The following PDE4D variants were observed in gnomAD, a reference collection of about 807,000 sequenced individuals.
PDE4D encodes 3',5'-cyclic-AMP phosphodiesterase 4D.
A neutral mutation model predicts 87.4 loss-of-function variants in PDE4D; 24 were observed. That is an observed-to-expected ratio of 0.27 (90% CI 0.20 to 0.39). PDE4D has a LOEUF of 0.39. PDE4D is among the 10% of genes least tolerant of loss of function. The pLI is 1.00. For synonymous variants in PDE4D, 384 were observed against 383.2 expected, an observed-to-expected ratio of 1.00 and a Z score of -0.02; for missense variants, 714 against 1,041.0, an observed-to-expected ratio of 0.69 and a Z score of 4.32.
intron 11 of PDE4D, among the ~76,000 whole-genome samples, chr5:58,978,589 AAGGAG>A (rs1196723204): frequency 1.1e-4 from 16 of 152,138 alleles, no homozygotes; most frequent in East Asian, 1.9e-4. Context: ...TGGAGCTAGG[AAGGAG>A]AGGAGAGGCT....
intron 1 of PDE4D, among the ~76,000 whole-genome samples, chr5:60,269,104 G>A (rs1750550237): frequency 6.6e-6 from 1 of 152,164 alleles, no homozygotes; most frequent in Non-Finnish European, 1.5e-5. Flanking sequence ...AGGAGTTCAA[G>A]ACCAGCCTGG....
intron 1 of PDE4D, among the ~76,000 whole-genome samples, chr5:59,568,141 A>C (rs543378574): frequency 6.6e-6 from 1 of 152,300 alleles, no homozygotes; most frequent in Admixed American, 6.5e-5. Flanking sequence ...AATGCTAGAA[A>C]GGATGAAAGT....
At chr5:59,416,220 T>C (rs1793584677) in intron 1 of PDE4D, among the ~76,000 whole-genome samples, 1 of 152,204 alleles carries the variant, frequency 6.6e-6, no homozygotes, top group Non-Finnish European at 1.5e-5. Flanking sequence ...TTCATTCACA[T>C]CTGTTTCTGT....
chr5:60,152,664 A>T (rs1582884653), intron 2 of PDE4D, among the ~76,000 whole-genome samples: 6 of 151,924 alleles, frequency 3.9e-5, no homozygotes, highest in African/African-American at 1.4e-4. Context: ...AAAAAAAAAA[A>T]AAAAAGAAAA....
chr5:59,627,091 C>T (rs1561355238), intron 1 of PDE4D, among the ~76,000 whole-genome samples: 2 of 152,048 alleles, frequency 1.3e-5, no homozygotes, highest in African/African-American at 2.4e-5. Context: ...TACTCTACAA[C>T]CACATTCAGG....
intron 1 of PDE4D, among the ~76,000 whole-genome samples, chr5:59,816,193 T>C (rs1344085565): frequency 1.3e-5 from 2 of 152,228 alleles, no homozygotes; most frequent in African/African-American, 2.4e-5. Context: ...TTGGAATGTA[T>C]GTAAACAAAA....
chr5:59,349,264 A>C (rs1050143327), intron 1 of PDE4D, among the ~76,000 whole-genome samples: 4 of 152,124 alleles, frequency 2.6e-5, no homozygotes, highest in African/African-American at 9.7e-5. Context: ...TGTCAATTAT[A>C]GTTTGAAAGT....
intron 2 of PDE4D, among the ~76,000 whole-genome samples, chr5:60,066,109 T>A (rs993521773): frequency 6.6e-5 from 10 of 152,180 alleles, no homozygotes; most frequent in African/African-American, 2.2e-4. Context: ...GTTTCCTGAC[T>A]TTTTAATGAT....
chr5:59,734,059 C>T (rs923827962), intron 1 of PDE4D, among the ~76,000 whole-genome samples: 6 of 152,036 alleles, frequency 3.9e-5, no homozygotes, highest in Non-Finnish European at 8.8e-5. Flanking sequence ...CTTTCAATTT[C>T]ATGGTCTGAT....
At chr5:59,712,776 A>G (rs1412241203) in intron 1 of PDE4D, among the ~76,000 whole-genome samples, 4 of 152,124 alleles carry the variant, frequency 2.6e-5, no homozygotes, top group South Asian at 2.1e-4. Flanking sequence ...GCAGGGGCCC[A>G]AGATTTATGT....
At chr5:59,834,619 C>T (rs1741723061) in intron 1 of PDE4D, among the ~76,000 whole-genome samples, 1 of 152,136 alleles carries the variant, frequency 6.6e-6, no homozygotes, top group East Asian at 1.9e-4. Context: ...AAAGGCTAAA[C>T]ATTTACTACG....
At chr5:59,441,302 G>T (rs1410397236) in intron 1 of PDE4D, among the ~76,000 whole-genome samples, 1 of 152,120 alleles carries the variant, frequency 6.6e-6, no homozygotes, top group Non-Finnish European at 1.5e-5. Context: ...TCACCATGTT[G>T]CCCAGGCTGG....
chr5:59,303,934 G>A (rs544949825), intron 1 of PDE4D, among the ~76,000 whole-genome samples: 1 of 152,026 alleles, frequency 6.6e-6, no homozygotes, highest in South Asian at 2.1e-4. Flanking sequence ...AAGAATGATG[G>A]TGTTATTTTG....
At chr5:59,919,681 C>T (rs1754454697) in intron 3 of PDE4D, among the ~76,000 whole-genome samples, 1 of 152,174 alleles carries the variant, frequency 6.6e-6, no homozygotes, top group Non-Finnish European at 1.5e-5. Flanking sequence ...TCCTTTTCTT[C>T]CTTCTTGTGG....
intron 1 of PDE4D, among the ~76,000 whole-genome samples, chr5:60,308,604 T>C (rs1280892755): frequency 6.6e-6 from 1 of 152,218 alleles, no homozygotes; most frequent in African/African-American, 2.4e-5. Context: ...TTTCTAAATG[T>C]TGCCACATAA....
At chr5:59,891,307 T>G (rs1253827235) in intron 1 of PDE4D, among the ~76,000 whole-genome samples, 1 of 152,226 alleles carries the variant, frequency 6.6e-6, no homozygotes, top group Admixed American at 6.5e-5. Flanking sequence ...TGAAGTCAAT[T>G]AAGAAACTCT....
rs60956928 is a variant in PDE4D at position 59,382,891 on chromosome 5, C to T, written c.456-166923G>A. Among the ~76,000 whole-genome samples the T allele has an allele frequency of 5.6e-3, 856 of 152,260 alleles. 11 individuals carry two copies. Among genetic ancestry groups the T allele is most frequent in the African/African-American group, 0.02 (822 of 41,534 alleles). ...ATTTATGTAATTCAATTATTCTAAG[C>T]ATTGAAGTCATTTTGTGGCATGCTG... On this transcript the variant is annotated intron_variant, in intron 1 of 14. Transcript: ENST00000340635.
chr5:59,891,035 T>C (rs1321845784), intron 1 of PDE4D, among the ~76,000 whole-genome samples: 1 of 152,210 alleles, frequency 6.6e-6, no homozygotes. Flanking sequence ...AATATGCAAG[T>C]ATTGTAAAGA....
At position 59,384,769 on chromosome 5, in the gene PDE4D, G is replaced by GGT. The variant is rs1562077335; in HGVS notation, c.456-168802_456-168801insAC. 3.2e-3 allele frequency among the ~76,000 whole-genome samples: 485 copies of GGT among 150,230 alleles called. 1 individual carries two copies. The highest frequency in any genetic ancestry group is 0.011 in the African/African-American group (445 of 40,998). Reference sequence around the variant, plus strand: ...ATTCTAAGTAATATGCTTATACTGGGTTTTTTTTTCTTGATTTTCATTTTT... The same window carrying GGT: ...ATTCTAAGTAATATGCTTATACTGGGGTTTTTTTTTTCTTGATTTTCATTTTT... On this transcript the variant is annotated intron_variant, in intron 1 of 14. Transcript: ENST00000340635.
Sources: allele counts gnomAD v4.1 joint callset (sites outside exome capture counted in the v4.1 genomes callset), GRCh38; gene constraint gnomAD v4.1.1; transcripts MANE v1.5; gene names NCBI Gene and HGNC (gene_info 2026-07-23, HGNC 2026-07-21).